The following ADORA1 variants were observed in gnomAD, a reference collection of about 807,000 sequenced individuals.
ADORA1 encodes adenosine receptor A1.
Under a neutral mutation model 19.9 loss-of-function variants are expected in ADORA1, and 6 were observed. That is an observed-to-expected ratio of 0.30 (90% CI 0.17 to 0.59). The LOEUF is 0.59. ADORA1 is among the 20% of genes least tolerant of loss of function. The pLI is 0.87. For synonymous variants in ADORA1, 194 were observed against 188.4 expected, an observed-to-expected ratio of 1.03 and a Z score of -0.24; for missense variants, 302 against 439.2, an observed-to-expected ratio of 0.69 and a Z score of 2.79.
rs1001404620 is a variant in ADORA1, at chr1:203,128,787, G to A, written c.-55G>A. ...CCCAGGCTTCCCTGACCACACAGGTGCTTGCCTCGTGCCCCTTGGTGCCCG... is the reference window on the plus strand; with the variant it reads ...CCCAGGCTTCCCTGACCACACAGGTACTTGCCTCGTGCCCCTTGGTGCCCG... On this transcript the variant is annotated splice_region_variant and 5_prime_UTR_variant, in exon 3 of 4. Coordinates refer to ENST00000337894, the MANE Select transcript of ADORA1 (RefSeq NM_000674.3). This position sits in a 1 kb window ranked among gnomAD's most constrained non-coding sequence, Gnocchi z 5.9. The A allele has an allele frequency of 2.6e-6, 4 of 1,544,410 alleles. No individual in the cohort carries two copies. Among genetic ancestry groups the A allele is most frequent in the Admixed American group, 1.8e-5 (1 of 56,224 alleles).
chr1:203,146,761 C>T (rs1421622983), intron 3 of ADORA1, among the ~76,000 whole-genome samples: 2 of 152,220 alleles, frequency 1.3e-5, no homozygotes, highest in Admixed American at 1.3e-4. Flanking sequence ...CCCGGTCTGG[C>T]CTGCTGCCTG....
At chr1:203,148,083 G>C (rs1654918227) in intron 3 of ADORA1, among the ~76,000 whole-genome samples, 1 of 152,178 alleles carries the variant, frequency 6.6e-6, no homozygotes, top group Non-Finnish European at 1.5e-5. Context: ...GCCAGGCGTG[G>C]TGGCGGGCGC....
intron 3 of ADORA1, among the ~76,000 whole-genome samples, chr1:203,156,491 G>C (rs1264318381): frequency 6.6e-6 from 1 of 152,142 alleles, no homozygotes; most frequent in Non-Finnish European, 1.5e-5. Context: ...CCACTAGCAT[G>C]GTGATAGTAG....
In ADORA1 at chr1:203,129,093, C is replaced by T. The variant is rs755950090; in HGVS notation, c.252C>T (p.Ala84=). Reference sequence around the variant, plus strand: ...ACTTCCACACCTGCCTCATGGTTGCCTGTCCGGTCCTCATCCTCACCCAGA... The same window carrying T: ...ACTTCCACACCTGCCTCATGGTTGCTTGTCCGGTCCTCATCCTCACCCAGA... ...QTYFHTCLMV[A]CPVLILTQSS... Residue 84 remains alanine, a synonymous_variant, in exon 3 of 4, where the codon GCC becomes GCT. Coordinates refer to ENST00000337894, the MANE Select transcript of ADORA1 (RefSeq NM_000674.3). The T allele has an allele frequency of 6.2e-7, 1 of 1,614,192 alleles. No homozygotes were observed. Among genetic ancestry groups the T allele is most frequent in the Non-Finnish European group, 8.5e-7 (1 of 1,180,038 alleles).
At position 203,165,199 on chromosome 1, in the gene ADORA1, C is replaced by T. The variant is rs886611327; in HGVS notation, c.342-62C>T. On this transcript the variant is annotated intron_variant, in intron 3 of 3. Coordinates refer to ENST00000337894, the MANE Select transcript of ADORA1 (RefSeq NM_000674.3). The surrounding 1 kb of genome is among the most constrained non-coding windows in gnomAD (Gnocchi z 5.9). Reference sequence around the variant, plus strand: ...AGGCCCCTGGAGGCCAGGCGTGCCTCAGAGGGGCCTTTCGAGGCAGCTGGG... The same window carrying T: ...AGGCCCCTGGAGGCCAGGCGTGCCTTAGAGGGGCCTTTCGAGGCAGCTGGG... 5.3e-5 allele frequency: 85 copies of T among 1,600,948 alleles called. No individual in the cohort carries two copies. Among genetic ancestry groups the T allele is most frequent in the Non-Finnish European group, 6.2e-5 (73 of 1,173,754 alleles).
intron 3 of ADORA1, among the ~76,000 whole-genome samples, chr1:203,144,111 C>CACACAT (rs1417703200): frequency 3.3e-5 from 5 of 151,898 alleles, no homozygotes; most frequent in African/African-American, 1.2e-4. Flanking sequence ...CACACACACA[C>CACACAT]ACACACACAC....
intron 3 of ADORA1, among the ~76,000 whole-genome samples, chr1:203,139,458 C>G (rs1238147164): frequency 2.6e-5 from 4 of 152,116 alleles, no homozygotes; most frequent in East Asian, 1.9e-4. Flanking sequence ...AAATAATTCT[C>G]TAGGAAGTGG....
chr1:203,164,780 G>C (rs906581158), intron 3 of ADORA1, among the ~76,000 whole-genome samples: 1 of 152,168 alleles, frequency 6.6e-6, no homozygotes, highest in Non-Finnish European at 1.5e-5. Flanking sequence ...TAGGAAGCAC[G>C]GAACAGCACT....
intron 3 of ADORA1, among the ~76,000 whole-genome samples, chr1:203,141,983 C>T (rs576952638): frequency 2.6e-5 from 4 of 152,194 alleles, no homozygotes; most frequent in Non-Finnish European, 5.9e-5. Flanking sequence ...GCAGTCTCCC[C>T]AGGCAGTCAG....
intron 3 of ADORA1, among the ~76,000 whole-genome samples, chr1:203,153,194 T>A (rs954216864): frequency 6.6e-6 from 1 of 152,192 alleles, no homozygotes; most frequent in Non-Finnish European, 1.5e-5. Flanking sequence ...GGCAGGGAGC[T>A]CTGCCCTGTG....
At position 203,165,894 on chromosome 1, in the gene ADORA1, T is replaced by G. The variant is rs1655536762; in HGVS notation, c.975T>G (p.Asp325Glu). The change falls in exon 4 of 4, where the codon GAT becomes GAG. Residue 325 changes from aspartate to glutamate, a missense_variant. Physicochemically the swap from Asp to Glu is conservative, Grantham distance 45 (BLOSUM62 2). Coordinates refer to ENST00000337894, the MANE Select transcript of ADORA1 (RefSeq NM_000674.3). The surrounding 1 kb of genome is among the most constrained non-coding windows in gnomAD (Gnocchi z 5.9). ...IDEDLPEERP[D>E]D ...AGGATCTCCCAGAAGAGAGGCCTGA[T>G]GACTAGACCCCGCCTTCCGCTCCCA... 1 of 1,552,602 alleles carries G rather than the reference T, an allele frequency of 6.4e-7. No homozygotes were observed. Among genetic ancestry groups the G allele is most frequent in the African/African-American group, 1.4e-5 (1 of 73,274 alleles).
In ADORA1 at chr1:203,165,975, G is replaced by C; in HGVS notation, c.*75G>C. On this transcript the variant is annotated 3_prime_UTR_variant, in exon 4 of 4. Transcript: ENST00000337894. The surrounding 1 kb of genome is among the most constrained non-coding windows in gnomAD (Gnocchi z 5.9). ...GTCCTCACATGCCCGCTGTCCCAGG[G>C]GTCTCCCTGAGCCTGCCCCAGCTGG... is the stretch of plus-strand genomic sequence containing the variant. 6.7e-7 allele frequency: 1 copy of C among 1,484,566 alleles called. No homozygotes were observed. 92.0% of individuals were successfully genotyped at this position (1,484,566 alleles called of 1,614,324 possible).
chr1:203,141,174 G>GGGATGGGGGA (rs1175848780), intron 3 of ADORA1, among the ~76,000 whole-genome samples: 3 of 152,268 alleles, frequency 2.0e-5, no homozygotes, highest in Admixed American at 2.0e-4. Context: ...CCCCAGGGCT[G>GGGATGGGGGA]GCATGGGGGC....
intron 3 of ADORA1, among the ~76,000 whole-genome samples, chr1:203,153,674 T>A (rs995795087): frequency 3.9e-5 from 6 of 152,106 alleles, no homozygotes; most frequent in African/African-American, 1.2e-4. Flanking sequence ...AAGGCAGGAT[T>A]CTTAGGCCTG....
chr1:203,148,599 G>A (rs1654934128), intron 3 of ADORA1, among the ~76,000 whole-genome samples: 1 of 152,188 alleles, frequency 6.6e-6, no homozygotes, highest in Admixed American at 6.5e-5. Context: ...GTGCTCTATT[G>A]GAGACAGTGG....
At position 203,165,160 on chromosome 1, in the gene ADORA1, G is replaced by A; in HGVS notation, c.342-101G>A. The stretch of plus-strand genomic sequence containing the variant: ...CACTCACCGGGCCCTGGAAGAGGAG[G>A]GTGCTCCTCTTAGAGGCCCCTGGAG... On this transcript the variant is annotated intron_variant, in intron 3 of 3. Coordinates refer to ENST00000337894, the MANE Select transcript of ADORA1 (RefSeq NM_000674.3). The surrounding 1 kb of genome is among the most constrained non-coding windows in gnomAD (Gnocchi z 5.9). 1 of 1,585,972 alleles carries A rather than the reference G, an allele frequency of 6.3e-7. No individual in the cohort carries two copies. The highest frequency in any genetic ancestry group is 8.6e-7 in the Non-Finnish European group (1 of 1,166,750).
At chr1:203,150,652 T>C in intron 3 of ADORA1, 1 of 1,289,774 alleles carries the variant, frequency 7.8e-7, no homozygotes, top group South Asian at 1.2e-5. Context: ...TGGTGTCTTC[T>C]TGAGTTCTGA....
At chr1:203,133,938 G>A (rs528024153) in intron 3 of ADORA1, among the ~76,000 whole-genome samples, 3 of 152,318 alleles carry the variant, frequency 2.0e-5, no homozygotes, top group South Asian at 2.1e-4. Flanking sequence ...CTTGTGTGCC[G>A]TCATGCCCCC....
rs149147396 is a variant in ADORA1, at chr1:203,128,801, C to T, written c.-41C>T. On this transcript the variant is annotated 5_prime_UTR_variant, in exon 3 of 4. Coordinates refer to ENST00000337894, the MANE Select transcript of ADORA1 (RefSeq NM_000674.3). The surrounding 1 kb of genome is among the most constrained non-coding windows in gnomAD (Gnocchi z 5.9). ...ACCACACAGGTGCTTGCCTCGTGCC[C>T]CTTGGTGCCCGTCTGCTGATGTGCC... 1.6e-4 allele frequency: 255 copies of T among 1,553,304 alleles called. No homozygotes were observed. In the African/African-American group the frequency reaches 3.1e-3, roughly 19 times the overall value.
Sources: gnomAD v4.1 joint callset for allele counts (sites outside exome capture counted in the v4.1 genomes callset) on GRCh38, gnomAD v4.1.1 for gene constraint, Gnocchi (gnomAD v3.1) non-coding constraint, MANE v1.5 for transcripts, NCBI Gene and HGNC (gene_info 2026-07-23, HGNC 2026-07-21) for gene names.